The following SND1 variants were observed in gnomAD, a reference collection of about 807,000 sequenced individuals.
SND1 encodes staphylococcal nuclease domain-containing protein 1.
A neutral mutation model predicts 121.7 loss-of-function variants in SND1; 38 were observed. The observed-to-expected ratio is 0.31, with a 90% CI of 0.24 to 0.41. The LOEUF is 0.41. Among genes scored for constraint, SND1 ranks in the 10% least tolerant of loss-of-function variants. The pLI is 1.00. For missense variants in SND1, 868 were observed against 1,184.6 expected, an observed-to-expected ratio of 0.73 and a Z score of 3.92; for synonymous variants, 401 against 447.4, an observed-to-expected ratio of 0.90 and a Z score of 1.31.
At chr7:127,935,702 G>T (rs888917470) in intron 15 of SND1, among the ~76,000 whole-genome samples, 5 of 152,192 alleles carry the variant, frequency 3.3e-5, no homozygotes, top group African/African-American at 1.2e-4. Context: ...GGGATTGTTC[G>T]CCTGGGCAGC....
At chr7:128,064,158 G>A (rs1793275658) in intron 16 of SND1, among the ~76,000 whole-genome samples, 1 of 152,130 alleles carries the variant, frequency 6.6e-6, no homozygotes, top group African/African-American at 2.4e-5. Context: ...GAGGTAGGTA[G>A]CATTCATTAT....
chr7:127,902,324 A>G (rs541168535), intron 13 of SND1, among the ~76,000 whole-genome samples: 1 of 152,352 alleles, frequency 6.6e-6, no homozygotes, highest in East Asian at 1.9e-4. Flanking sequence ...TTAGTGCCCC[A>G]TAGGACCTGC....
intron 2 of SND1, among the ~76,000 whole-genome samples, chr7:127,688,215 TCTC>T (rs1179912288): frequency 1.3e-5 from 2 of 152,088 alleles, no homozygotes; most frequent in East Asian, 3.9e-4. Flanking sequence ...TGTCCCATCA[TCTC>T]CTCCATCCTT....
intron 13 of SND1, among the ~76,000 whole-genome samples, chr7:127,893,129 T>G (rs893314140): frequency 6.6e-6 from 1 of 152,106 alleles, no homozygotes; most frequent in African/African-American, 2.4e-5. Flanking sequence ...CCGGGACCCT[T>G]TTTACTTTCT....
In SND1 at chr7:128,092,310, A is replaced by T. The variant is rs1383792157; in HGVS notation, c.*252A>T. 8 of 468,966 alleles carry T rather than the reference A, an allele frequency of 1.7e-5. No individual in the cohort carries two copies. The East Asian group carries it at 2.5e-4, about 15-fold the overall frequency. The allele number at this position is 468,966 out of a possible 1,614,324, so 29.1% of individuals were successfully genotyped here. On this transcript the variant is annotated 3_prime_UTR_variant, in exon 24 of 24. Coordinates refer to ENST00000354725, the MANE Select transcript of SND1 (RefSeq NM_014390.4). This position sits in a 1 kb window ranked among gnomAD's most constrained non-coding sequence, Gnocchi z 4.9. ...GTCTCTGCCAGTTGGTTTTATTTGG[A>T]GGTTTGTGGGCTTTTTTTAAAAAAA...
At chr7:128,030,259 G>T (rs1792542600) in intron 16 of SND1, 1 of 1,614,210 alleles carries the variant, frequency 6.2e-7, no homozygotes, top group Non-Finnish European at 8.5e-7. Flanking sequence ...AACAGCTCCA[G>T]GGTGTTGAGG....
chr7:127,840,751 A>C (rs986628204), intron 11 of SND1, among the ~76,000 whole-genome samples: 1 of 152,194 alleles, frequency 6.6e-6, no homozygotes, highest in Non-Finnish European at 1.5e-5. Context: ...CACAAATGCT[A>C]ATTACACATT....
intron 2 of SND1, chr7:127,694,603 G>A (rs1587601541): frequency 2.2e-6 from 1 of 455,112 alleles, no homozygotes. Flanking sequence ...CCTGTTTTTA[G>A]TGTCTGTGTT....
intron 17 of SND1, among the ~76,000 whole-genome samples, chr7:128,074,914 G>C (rs1175989918): frequency 6.6e-6 from 1 of 152,216 alleles, no homozygotes; most frequent in Non-Finnish European, 1.5e-5. Context: ...GGCCTGGGCT[G>C]CCAGCCCAGA....
At chr7:127,981,729 T>C (rs1192830893) in intron 15 of SND1, among the ~76,000 whole-genome samples, 1 of 152,230 alleles carries the variant, frequency 6.6e-6, no homozygotes, top group Non-Finnish European at 1.5e-5. Context: ...GTTTTGTACA[T>C]TGCCTGGCTA....
chr7:127,883,091 T>C (rs1048733081), intron 12 of SND1, among the ~76,000 whole-genome samples: 4 of 152,152 alleles, frequency 2.6e-5, no homozygotes, highest in Non-Finnish European at 5.9e-5. Context: ...GTTCCTGATA[T>C]AAACAAACAC....
At chr7:127,689,438 G>T (rs1179720798) in intron 2 of SND1, among the ~76,000 whole-genome samples, 1 of 152,214 alleles carries the variant, frequency 6.6e-6, no homozygotes, top group African/African-American at 2.4e-5. Flanking sequence ...GGAAGAACTA[G>T]TGTAGCCTCT....
chr7:127,954,661 A>G (rs959111709), intron 15 of SND1, among the ~76,000 whole-genome samples: 1 of 152,164 alleles, frequency 6.6e-6, no homozygotes. Context: ...AAGTAATTAT[A>G]TTGTAAAATA....
At chr7:127,838,140 A>G (rs951766569) in intron 11 of SND1, among the ~76,000 whole-genome samples, 1 of 152,204 alleles carries the variant, frequency 6.6e-6, no homozygotes, top group African/African-American at 2.4e-5. Context: ...AAGATGATTC[A>G]GTTCAGAGCA....
intron 14 of SND1, among the ~76,000 whole-genome samples, chr7:127,922,226 T>G (rs1234226488): frequency 7.6e-6 from 1 of 130,986 alleles, no homozygotes; most frequent in East Asian, 2.5e-4. Context: ...AAGATCCCAC[T>G]GTGATGGCCA....
intron 13 of SND1, among the ~76,000 whole-genome samples, chr7:127,893,503 T>G (rs1800054617): frequency 6.6e-6 from 1 of 152,116 alleles, no homozygotes; most frequent in African/African-American, 2.4e-5. Context: ...AAGGTATCTT[T>G]TAATTCTAAG....
intron 11 of SND1, among the ~76,000 whole-genome samples, chr7:127,820,521 G>GC (rs1485195015): frequency 6.6e-6 from 1 of 152,182 alleles, no homozygotes; most frequent in Non-Finnish European, 1.5e-5. Flanking sequence ...GTTAATCACA[G>GC]CTTTCCAAGG....
intron 13 of SND1, among the ~76,000 whole-genome samples, chr7:127,890,073 C>G (rs1333590580): frequency 6.6e-6 from 1 of 152,034 alleles, no homozygotes; most frequent in Admixed American, 6.6e-5. Flanking sequence ...CATATGGTAG[C>G]TCTATTTTTA....
intron 16 of SND1, chr7:127,997,888 T>C (rs1293189945): frequency 3.7e-6 from 2 of 534,708 alleles, no homozygotes; most frequent in African/African-American, 3.8e-5. Context: ...TGCACCACCT[T>C]TTCTTGGAAG....
Sources: allele counts gnomAD v4.1 joint callset (sites outside exome capture counted in the v4.1 genomes callset), GRCh38; gene constraint gnomAD v4.1.1; non-coding constraint Gnocchi (gnomAD v3.1); transcripts MANE v1.5; gene names NCBI Gene and HGNC (gene_info 2026-07-23, HGNC 2026-07-21).